CNTLN: variants seen among roughly 807,000 people sequenced by gnomAD.
CNTLN encodes the protein centlein.
A neutral mutation model predicts 180.0 loss-of-function variants in CNTLN; 212 were observed. The observed-to-expected ratio is 1.18, with a 90% CI of 1.05 to 1.32. The LOEUF (loss-of-function observed/expected upper bound fraction) is 1.32. Among genes scored for constraint, CNTLN ranks in the 40% most tolerant of loss-of-function variants. The pLI is 0.00. For missense variants in CNTLN, 2,095 were observed against 1,610.9 expected (o/e 1.30, Z -5.14); for synonymous variants, 722 against 563.1 (o/e 1.28, Z -3.99).
At chr9:17,430,010 A>G (rs1011623487) in intron 18 of CNTLN, among the ~76,000 whole-genome samples, 1 of 152,006 alleles carries the variant, frequency 6.6e-6, no homozygotes, top group Admixed American at 6.6e-5. Context: ...ATAGCTAAAC[A>G]CTTTGAACAC....
chr9:17,428,091 C>A (rs944372393), intron 18 of CNTLN, among the ~76,000 whole-genome samples: 1 of 152,046 alleles, frequency 6.6e-6, no homozygotes, highest in African/African-American at 2.4e-5. Flanking sequence ...TTTTAGATCA[C>A]CCTTGTTCAA....
intron 5 of CNTLN, among the ~76,000 whole-genome samples, chr9:17,257,030 G>T (rs1206961171): frequency 6.6e-6 from 1 of 151,664 alleles, no homozygotes; most frequent in East Asian, 1.9e-4. Flanking sequence ...CATTGTGCAG[G>T]TTAGTTACAT....
intron 12 of CNTLN, among the ~76,000 whole-genome samples, chr9:17,345,474 C>CT (rs1245108191): frequency 1.1e-4 from 17 of 149,168 alleles, no homozygotes; most frequent in Non-Finnish European, 7.4e-5. Flanking sequence ...GTTACTTAAG[C>CT]TTTTTTTTAG....
At chr9:17,239,154 G>A (rs1210456402) in intron 5 of CNTLN, among the ~76,000 whole-genome samples, 1 of 151,990 alleles carries the variant, frequency 6.6e-6, no homozygotes, top group African/African-American at 2.4e-5. Flanking sequence ...TTCTCCTCCC[G>A]AGAAGAGGCA....
intron 18 of CNTLN, among the ~76,000 whole-genome samples, chr9:17,446,663 C>T (rs1053332053): frequency 1.3e-5 from 2 of 152,006 alleles, no homozygotes; most frequent in Non-Finnish European, 2.9e-5. Context: ...AAAAATTATT[C>T]TAAGGAATAC....
In CNTLN at chr9:17,135,306, A is replaced by T. The variant is rs1817627955; in HGVS notation, c.241A>T (p.Ser81Cys). The T allele has an allele frequency of 1.9e-6, 3 of 1,601,782 alleles. No individual in the cohort carries two copies. The East Asian group carries it at 6.8e-5, about 36-fold the overall frequency. The change falls in exon 1 of 26, where the codon AGC becomes TGC. Residue 81 changes from serine (S) to cysteine (C), a missense_variant. Ser to Cys is a moderately radical substitution (Grantham distance 112). Transcript: ENST00000380647. ...GAAPAHAPLL[S>C]APMGSRRLEG... ...AGCTCCGGCTCATGCTCCCCTCCTC[A>T]GCGCGCCCATGGGGTCCAGACGGCT...
rs571094123 is a variant in CNTLN at position 17,215,693 on chromosome 9, G to A, written c.450-10510G>A. 3.2e-4 allele frequency among the ~76,000 whole-genome samples: 49 copies of A among 152,220 alleles called. No individual in the cohort carries two copies. In the East Asian group the frequency reaches 9.1e-3, roughly 28 times the overall value. On this transcript the variant is annotated intron_variant, in intron 2 of 25. Transcript: ENST00000380647. ...GGCAGGCCTCCTTGAACTGCGGTGG[G>A]CTCCACGCAGTTCGAGCTTCTTGGC...
intron 2 of CNTLN, among the ~76,000 whole-genome samples, chr9:17,183,260 A>G (rs1426942873): frequency 2.6e-5 from 4 of 152,174 alleles, no homozygotes; most frequent in African/African-American, 9.7e-5. Context: ...AATCCAAACC[A>G]TCTTATAGAC....
chr9:17,375,804 G>A (rs1232600778), intron 13 of CNTLN, among the ~76,000 whole-genome samples: 2 of 152,072 alleles, frequency 1.3e-5, no homozygotes, highest in Non-Finnish European at 2.9e-5. Flanking sequence ...GACCAGTAAC[G>A]GGGAATGTCT....
intron 5 of CNTLN, among the ~76,000 whole-genome samples, chr9:17,239,828 C>CA (rs1487453387): frequency 6.6e-5 from 10 of 152,176 alleles, no homozygotes; most frequent in African/African-American, 2.4e-5. Context: ...TTGATCTATA[C>CA]ATCTGCCCTC....
chr9:17,354,072 C>T (rs1822602365), intron 12 of CNTLN, among the ~76,000 whole-genome samples: 1 of 152,230 alleles, frequency 6.6e-6, no homozygotes, highest in South Asian at 2.1e-4. Flanking sequence ...AGGGACTTAG[C>T]ACCCGGGCCA....
chr9:17,480,664 C>G (rs1042344191), intron 23 of CNTLN, among the ~76,000 whole-genome samples: 1 of 152,124 alleles, frequency 6.6e-6, no homozygotes, highest in African/African-American at 2.4e-5. Context: ...TTTTAGCTAT[C>G]TGCCTCGAAT....
chr9:17,311,843 T>G (rs1255777777), intron 8 of CNTLN, among the ~76,000 whole-genome samples: 2 of 152,018 alleles, frequency 1.3e-5, no homozygotes, highest in Non-Finnish European at 2.9e-5. Flanking sequence ...GACAAATCAA[T>G]TCTGAAATTT....
the CNTLN span, among the ~76,000 whole-genome samples, chr9:17,522,463 T>C: frequency 1.3e-5 from 2 of 152,220 alleles, no homozygotes; most frequent in African/African-American, 4.8e-5. Context: ...CTGACCTTGA[T>C]TCTTCACACC....
At chr9:17,512,381 A>T in the CNTLN span, among the ~76,000 whole-genome samples, 1 of 152,232 alleles carries the variant, frequency 6.6e-6, no homozygotes, top group African/African-American at 2.4e-5. Flanking sequence ...ACATGGATGC[A>T]GTTGGAGGCC....
chr9:17,160,739 C>A (rs1399137963), intron 2 of CNTLN, among the ~76,000 whole-genome samples: 1 of 152,114 alleles, frequency 6.6e-6, no homozygotes, highest in Non-Finnish European at 1.5e-5. Flanking sequence ...AATGAAAATT[C>A]TAGGACTTTC....
At chr9:17,247,572 A>G (rs1386318887) in intron 5 of CNTLN, among the ~76,000 whole-genome samples, 1 of 152,120 alleles carries the variant, frequency 6.6e-6, no homozygotes, top group Non-Finnish European at 1.5e-5. Context: ...TCTTTCTTTA[A>G]TACGATGTTA....
chr9:17,394,659 T>TA lies in CNTLN; in HGVS notation c.2206dup (p.Thr736AsnfsTer16), dbSNP rs768119281. The TA allele has an allele frequency of 1.2e-6, 2 of 1,612,514 alleles. No homozygotes were observed. The highest frequency in any genetic ancestry group is 3.3e-5 in the Admixed American group (2 of 59,820). ...CCCTCTTAAAACAGCAACAAGAAGA[T>TA]ACAGAGACCAGAGAAAAAGAGCTAG... On this transcript the variant is annotated frameshift_variant, in exon 15 of 26. Transcript: ENST00000380647. LOFTEE classifies it high-confidence loss of function.
At chr9:17,174,963 T>G (rs934694246) in intron 2 of CNTLN, among the ~76,000 whole-genome samples, 4 of 152,216 alleles carry the variant, frequency 2.6e-5, no homozygotes, top group Non-Finnish European at 4.4e-5. Context: ...GATGAGGACA[T>G]GTCTTTTGCC....
Sources: gnomAD v4.1 joint callset for allele counts (sites outside exome capture counted in the v4.1 genomes callset) on GRCh38, gnomAD v4.1.1 for gene constraint, MANE v1.5 for transcripts, NCBI Gene and HGNC (gene_info 2026-07-23, HGNC 2026-07-21) for gene names.